INAVA: variants seen among roughly 807,000 people sequenced by gnomAD.
INAVA encodes innate immunity activator protein.
Under a neutral mutation model 55.3 loss-of-function variants are expected in INAVA, and 32 were observed. The observed-to-expected ratio is 0.58, with a 90% CI of 0.44 to 0.78. INAVA has a LOEUF of 0.78. Ranked by LOEUF, INAVA falls within the 30% of genes least tolerant of loss-of-function variation. INAVA has a pLI of 0.00. For synonymous variants in INAVA, 294 were observed against 329.4 expected, an observed-to-expected ratio of 0.89 and a Z score of 1.16; for missense variants, 756 against 786.4, an observed-to-expected ratio of 0.96 and a Z score of 0.46.
chr1:200,903,878 G>A (rs1653375494), intron 5 of INAVA, among the ~76,000 whole-genome samples: 1 of 151,978 alleles, frequency 6.6e-6, no homozygotes, highest in African/African-American at 2.4e-5. Context: ...TGCCCCCTTG[G>A]GCTCCATACA....
chr1:200,900,206 G>A lies in INAVA; in HGVS notation c.283G>A (p.Ala95Thr). The A allele has an allele frequency of 6.2e-7, 1 of 1,614,068 alleles. No homozygotes were observed. Among genetic ancestry groups the A allele is most frequent in the Non-Finnish European group, 8.5e-7 (1 of 1,179,912 alleles). Residue 95 changes from alanine (A) to threonine (T), a missense_variant, in exon 4 of 10, where the codon GCC (alanine) becomes ACC (threonine). By Grantham distance (58) the Ala-to-Thr change is moderately conservative (BLOSUM62 0). Transcript: ENST00000413687. ...AGCGGCTTACAAACTGGATGACTGG[G>A]CCTTGCACAGAGAGGTGAGGAACCT... ...IGAAYKLDDW[A>T]LHREDPLSSL...
intron 5 of INAVA, among the ~76,000 whole-genome samples, chr1:200,901,899 C>G (rs576518609): frequency 6.6e-6 from 1 of 152,292 alleles, no homozygotes; most frequent in East Asian, 1.9e-4. Flanking sequence ...GTGTGTCCAC[C>G]ACAGGTTAGC....
intron 5 of INAVA, 88 bp from the exon 6 acceptor site, chr1:200,907,746 G>A (rs935281949): frequency 3.1e-5 from 33 of 1,052,388 alleles, no homozygotes; most frequent in Non-Finnish European, 4.0e-5. Context: ...GGAGTGATCA[G>A]GCCTGAGCTG....
In INAVA at chr1:200,913,714, C is replaced by G; in HGVS notation, c.*85C>G. On this transcript the variant is annotated 3_prime_UTR_variant, in exon 10 of 10. Coordinates refer to ENST00000413687, the MANE Select transcript of INAVA (RefSeq NM_001142569.3). ...CCCCTGAGTGCCTCTTTCAGCTCCC[C>G]CATCCCCATCGCAGGCCGATGACCT... 8.9e-7 allele frequency: 1 copy of G among 1,123,054 alleles called. No homozygotes were observed. Among genetic ancestry groups the G allele is most frequent in the Non-Finnish European group, 1.3e-6 (1 of 759,838 alleles). 69.6% of individuals were successfully genotyped at this position (1,123,054 alleles called of 1,614,324 possible). A position where few individuals can be genotyped will look rare whatever the true frequency, so the allele number is the denominator to read the frequency against.
rs763074142 is a variant in INAVA at position 200,908,863 on chromosome 1, C to G, written c.708C>G (p.Asn236Lys). 1 of 1,614,066 alleles carries G rather than the reference C, an allele frequency of 6.2e-7. No individual in the cohort carries two copies. The highest frequency in any genetic ancestry group is 2.2e-5 in the East Asian group (1 of 44,878). ...GCCCAGAACGGGCTCCAGTCCAGAA[C>G]AGCCCCTGGAAGGAAACCAGCCTGG... The part of the protein sequence containing the change: ...AGSPERAPVQ[N>K]SPWKETSLDH... The change falls in exon 7 of 10, where the codon AAC becomes AAG. Residue 236 changes from asparagine to lysine, a missense_variant. Physicochemically the swap from Asn to Lys is moderately conservative, Grantham distance 94. Transcript: ENST00000413687.
intron 3 of INAVA, 51 bp downstream of exon 3, chr1:200,899,648 G>A: frequency 3.1e-6 from 5 of 1,597,674 alleles, no homozygotes; most frequent in Non-Finnish European, 4.3e-6. Flanking sequence ...CAGGAGCTGT[G>A]GAGCCACGTG....
chr1:200,908,335 C>T (rs1443133968), intron 6 of INAVA, among the ~76,000 whole-genome samples: 2 of 152,172 alleles, frequency 1.3e-5, no homozygotes. Context: ...GATCGAGAAG[C>T]TGTTGCAGTC....
At chr1:200,893,243 C>T (rs984213958), upstream of INAVA, among the ~76,000 whole-genome samples, 1 of 152,226 alleles carries the variant, frequency 6.6e-6, no homozygotes, top group Admixed American at 6.5e-5. Context: ...TTACCCACTG[C>T]TAGACCCTGC....
At position 200,899,459 on chromosome 1, in the gene INAVA, C is replaced by G; in HGVS notation, c.56-14C>G. On this transcript the variant is annotated splice_polypyrimidine_tract_variant and intron_variant, in intron 2 of 9. Coordinates refer to ENST00000413687, the MANE Select transcript of INAVA (RefSeq NM_001142569.3). ...CTTCAGCCTCCCTGAGCATGTGCCC[C>G]CCAACCCTTGCAGGCCCCGACAGCC... 1.2e-6 allele frequency: 2 copies of G among 1,613,936 alleles called. No homozygotes were observed. The highest frequency in any genetic ancestry group is 1.7e-6 in the Non-Finnish European group (2 of 1,179,964).
At chr1:200,905,405 G>C (rs1273862601) in intron 5 of INAVA, among the ~76,000 whole-genome samples, 3 of 152,104 alleles carry the variant, frequency 2.0e-5, no homozygotes. Context: ...TAAAAAAATT[G>C]GATAGGCATG....
chr1:200,913,507 C>G, intron 9 of INAVA, 30 bp from the exon 10 acceptor site: 1 of 1,589,278 alleles, frequency 6.3e-7, no homozygotes. Flanking sequence ...GTTCATTTAC[C>G]CACCTGTCCT....
intron 5 of INAVA, among the ~76,000 whole-genome samples, chr1:200,907,322 C>T (rs1653533467): frequency 1.3e-5 from 2 of 152,044 alleles, no homozygotes; most frequent in Non-Finnish European, 2.9e-5. Flanking sequence ...TTTCCTGTCT[C>T]CTAGCTCTGC....
intron 1 of INAVA, among the ~76,000 whole-genome samples, chr1:200,896,514 T>C (rs956642901): frequency 2.0e-5 from 3 of 152,166 alleles, no homozygotes; most frequent in African/African-American, 7.2e-5. Context: ...TTTCAGAACT[T>C]TGGCATGTTT....
At chr1:200,897,968 C>T (rs1468991481) in intron 1 of INAVA, among the ~76,000 whole-genome samples, 1 of 152,168 alleles carries the variant, frequency 6.6e-6, no homozygotes, top group Non-Finnish European at 1.5e-5. Context: ...TGTCCCCTTC[C>T]TTTTTATCCT....
chr1:200,902,556 T>C (rs1206644576), intron 5 of INAVA, among the ~76,000 whole-genome samples: 1 of 152,232 alleles, frequency 6.6e-6, no homozygotes, highest in African/African-American at 2.4e-5. Context: ...TCTCTGAGGC[T>C]CTAATGGAAG....
Position 200,898,335 on chromosome 1 carries a change from C to A in INAVA, c.-66C>A. ...GGGAAGCTCCAGGCTACCTACACAA[C>A]CTGGCCCAGGCTGGTCACGGTGTCC... On this transcript the variant is annotated 5_prime_UTR_variant, in exon 2 of 10. Coordinates refer to ENST00000413687, the MANE Select transcript of INAVA (RefSeq NM_001142569.3). The A allele has an allele frequency of 6.2e-7, 1 of 1,613,628 alleles. No individual in the cohort carries two copies. Among genetic ancestry groups the A allele is most frequent in the East Asian group, 2.2e-5 (1 of 44,874 alleles).
In INAVA at chr1:200,914,759, G is replaced by GT. The variant is rs1354029626; in HGVS notation, c.*1136dup. Reference sequence around the variant, plus strand: ...AGCCACCGCACCTGGCCCTTCTAACGTTTTTTCATCATAGTCCCAAAAACC... The same window carrying GT: ...AGCCACCGCACCTGGCCCTTCTAACGTTTTTTTCATCATAGTCCCAAAAACC... On this transcript the variant is annotated 3_prime_UTR_variant, in exon 10 of 10. Coordinates refer to ENST00000413687, the MANE Select transcript of INAVA (RefSeq NM_001142569.3). 1 of 98,330 alleles carries GT rather than the reference G, an allele frequency of 1.0e-5. No homozygotes were observed. Among genetic ancestry groups the GT allele is most frequent in the Non-Finnish European group, 2.0e-5 (1 of 48,862 alleles). The allele number at this position is 98,330 out of a possible 1,614,324, so 6.1% of individuals were successfully genotyped here. A position where few individuals can be genotyped will look rare whatever the true frequency, so the allele number is the denominator to read the frequency against.
intron 8 of INAVA, among the ~76,000 whole-genome samples, chr1:200,910,746 T>C (rs1390860771): frequency 6.6e-6 from 1 of 152,130 alleles, no homozygotes; most frequent in Non-Finnish European, 1.5e-5. Context: ...CACACAGCAA[T>C]AGATTTTATA....
chr1:200,901,202 C>G, intron 5 of INAVA, 43 bp downstream of exon 5: 1 of 1,443,768 alleles, frequency 6.9e-7, no homozygotes, highest in Non-Finnish European at 9.1e-7. Flanking sequence ...CTTAAATGAG[C>G]TTTTGAGGGA....
Sources: allele counts gnomAD v4.1 joint callset (sites outside exome capture counted in the v4.1 genomes callset), GRCh38; gene constraint gnomAD v4.1.1; transcripts MANE v1.5; gene names NCBI Gene and HGNC (gene_info 2026-07-23, HGNC 2026-07-21).